Variants in TAAR5 observed in about 807,000 individuals in gnomAD.
TAAR5 encodes the protein trace amine-associated receptor 5.
In TAAR5, 27 loss-of-function variants were observed where a neutral mutation model predicts 21.1. The ratio of observed to expected loss-of-function variants is 1.28; its 90% CI spans 0.94 to 1.76. TAAR5 has a LOEUF of 1.76. Ranked by LOEUF, TAAR5 falls within the 40% of genes most tolerant of loss-of-function variation. The probability of loss-of-function intolerance (pLI) is 0.00; values close to 1 mark genes in which losing one functional copy is unlikely to be tolerated. For synonymous variants in TAAR5, 203 were observed against 167.5 expected (o/e 1.21, Z -1.64); for missense variants, 495 against 405.6 (o/e 1.22, Z -1.89).
the TAAR5 span, among the ~76,000 whole-genome samples, chr6:132,615,228 A>G: frequency 1.0e-3 from 157 of 152,254 alleles, no homozygotes; most frequent in Non-Finnish European, 1.9e-3. Flanking sequence ...GTCATTCTGG[A>G]AAGATTAAGT....
chr6:132,609,178 T>C, the TAAR5 span: 1 of 365,768 alleles, frequency 2.7e-6, no homozygotes, highest in Admixed American at 3.7e-5. Context: ...CCGAATACAT[T>C]ATCACCTGGA....
chr6:132,594,132 C>A (rs776934312), upstream of TAAR5, among the ~76,000 whole-genome samples: 28 of 152,134 alleles, frequency 1.8e-4, no homozygotes, highest in Non-Finnish European at 3.4e-4. Context: ...AATTCTAGAT[C>A]CCTAATTTGG....
At chr6:132,590,259 A>C (rs1314821512), upstream of TAAR5, among the ~76,000 whole-genome samples, 1 of 152,178 alleles carries the variant, frequency 6.6e-6, no homozygotes, top group African/African-American at 2.4e-5. Flanking sequence ...CTACATGCCA[A>C]CTCTTCCCAA....
At chr6:132,612,310 T>C in the TAAR5 span, among the ~76,000 whole-genome samples, 1 of 152,242 alleles carries the variant, frequency 6.6e-6, no homozygotes. Flanking sequence ...ACATAAATTG[T>C]AAATTATTAC....
At chr6:132,591,993 G>C (rs919136194), upstream of TAAR5, among the ~76,000 whole-genome samples, 1 of 152,182 alleles carries the variant, frequency 6.6e-6, no homozygotes, top group African/African-American at 2.4e-5. Flanking sequence ...TGGATATCTA[G>C]TGCAGATAAC....
chr6:132,594,670 TTC>T (rs1344946353), upstream of TAAR5: 18 of 152,090 alleles, frequency 1.2e-4, no homozygotes, highest in African/African-American at 3.9e-4. Context: ...TGGCCTTGCT[TTC>T]TGTTTTAGAG....
At chr6:132,595,889 A>G in the TAAR5 span, among the ~76,000 whole-genome samples, 7 of 152,184 alleles carry the variant, frequency 4.6e-5, no homozygotes, top group African/African-American at 1.7e-4. Flanking sequence ...TATGATCTGA[A>G]TATTATGCTG....
the TAAR5 span, among the ~76,000 whole-genome samples, chr6:132,615,112 T>C: frequency 3.1e-4 from 47 of 152,328 alleles, no homozygotes; most frequent in Middle Eastern, 3.4e-3. Context: ...TCCGCCTACC[T>C]GGGCCTCCCA....
chr6:132,609,137 C>T, the TAAR5 span: 20 of 406,048 alleles, frequency 4.9e-5, no homozygotes, highest in Admixed American at 8.4e-5. Flanking sequence ...ACCAAGTTTC[C>T]GAATAGTGAT....
chr6:132,593,541 G>A (rs190733280), upstream of TAAR5, among the ~76,000 whole-genome samples: 15 of 152,254 alleles, frequency 9.9e-5, no homozygotes, highest in African/African-American at 3.6e-4. Context: ...AATGAAAATG[G>A]CTGCTTCACT....
At chr6:132,607,992 G>A in the TAAR5 span, among the ~76,000 whole-genome samples, 26 of 152,124 alleles carry the variant, frequency 1.7e-4, no homozygotes, top group Admixed American at 9.8e-4. Flanking sequence ...TATTTCTTTC[G>A]TACATTTTCC....
chr6:132,615,251 G>A, the TAAR5 span, among the ~76,000 whole-genome samples: 4 of 152,094 alleles, frequency 2.6e-5, no homozygotes, highest in African/African-American at 7.2e-5. Flanking sequence ...AGAAGTTTCC[G>A]TATATTGAAA....
chr6:132,590,104 A>G (rs1203905376), upstream of TAAR5, among the ~76,000 whole-genome samples: 3 of 152,236 alleles, frequency 2.0e-5, no homozygotes, highest in African/African-American at 7.2e-5. Context: ...TGTCAAATGT[A>G]AAGTGAAATT....
At chr6:132,601,878 A>G in the TAAR5 span, among the ~76,000 whole-genome samples, 1 of 152,246 alleles carries the variant, frequency 6.6e-6, no homozygotes, top group Non-Finnish European at 1.5e-5. Context: ...TGTTTCTTAC[A>G]TATCTTAAAG....
chr6:132,591,044 G>A (rs79681713), upstream of TAAR5, among the ~76,000 whole-genome samples: 11 of 152,242 alleles, frequency 7.2e-5, no homozygotes, highest in East Asian at 3.9e-4. Flanking sequence ...ACTATATTTT[G>A]TGATGGTGAA....
At chr6:132,603,801 A>G in the TAAR5 span, among the ~76,000 whole-genome samples, 1 of 152,124 alleles carries the variant, frequency 6.6e-6, no homozygotes, top group African/African-American at 2.4e-5. Context: ...AGTATTATGG[A>G]AGTTTTTATG....
At position 132,589,268 on chromosome 6, in the gene TAAR5, A is replaced by G. The variant is rs1231607160; in HGVS notation, c.419T>C (p.Leu140Pro). The G allele has an allele frequency of 6.2e-7, 1 of 1,610,556 alleles. No individual in the cohort carries two copies. The highest frequency in any genetic ancestry group is 8.5e-7 in the Non-Finnish European group (1 of 1,178,126). The change falls in exon 1 of 1, where the codon CTG becomes CCG. Residue 140 changes from leucine (L) to proline (P), a missense_variant. Leu to Pro is a moderately conservative substitution (Grantham distance 98). Coordinates refer to ENST00000258034, the MANE Select transcript of TAAR5 (RefSeq NM_003967.3). ...IDRHCAICDP[L>P]LYPSKFTVRV... ...CACTGTGAACTTGGAGGGATAGAGC[A>G]GGGGGTCACAGATGGCACAGTGGCG...
chr6:132,598,629 A>T, the TAAR5 span, among the ~76,000 whole-genome samples: 1 of 152,182 alleles, frequency 6.6e-6, no homozygotes, highest in African/African-American at 2.4e-5. Flanking sequence ...TTTATGCCTA[A>T]AATATGCCTC....
chr6:132,601,951 T>C, the TAAR5 span, among the ~76,000 whole-genome samples: 2 of 152,222 alleles, frequency 1.3e-5, no homozygotes, highest in Non-Finnish European at 2.9e-5. Flanking sequence ...GAGAGACTTA[T>C]TTTTTAGTGT....
Sources: gnomAD v4.1 joint callset for allele counts (sites outside exome capture counted in the v4.1 genomes callset) on GRCh38, gnomAD v4.1.1 for gene constraint, MANE v1.5 for transcripts, NCBI Gene and HGNC (gene_info 2026-07-23, HGNC 2026-07-21) for gene names.